The following BRF1 variants were observed in gnomAD, a reference collection of about 807,000 sequenced individuals.
BRF1 encodes transcription factor IIIB 90 kDa subunit.
BRF1 carries 59 observed loss-of-function variants against 81.7 expected under a neutral mutation model. The observed-to-expected ratio is 0.72, with a 90% CI of 0.59 to 0.90. The LOEUF (loss-of-function observed/expected upper bound fraction) is 0.90. BRF1 is among the 40% of genes least tolerant of loss of function. The pLI is 0.00. For missense variants in BRF1, 1,050 were observed against 936.3 expected (o/e 1.12, Z -1.58); for synonymous variants, 491 against 395.6 (o/e 1.24, Z -2.86).
At chr14:105,260,466 G>A (rs2140341697) in intron 3 of BRF1, among the ~76,000 whole-genome samples, 1 of 152,078 alleles carries the variant, frequency 6.6e-6, no homozygotes, top group East Asian at 1.9e-4. Context: ...CTGCCTACCA[G>A]GTTCAAGCGA....
At chr14:105,287,121 C>A (rs1248911273) in intron 1 of BRF1, among the ~76,000 whole-genome samples, 1 of 152,248 alleles carries the variant, frequency 6.6e-6, no homozygotes, top group Non-Finnish European at 1.5e-5. Context: ...GCTGGACACT[C>A]TACTCCGAAG....
In BRF1 at chr14:105,209,840, G is replaced by A; in HGVS notation, c.*711C>T. 2.0e-6 allele frequency: 1 copy of A among 498,254 alleles called. No individual in the cohort carries two copies. The highest frequency in any genetic ancestry group is 3.5e-6 in the Non-Finnish European group (1 of 284,330). The allele number at this position is 498,254 out of a possible 1,614,324, so 30.9% of individuals were successfully genotyped here. ...CTGCCGGCAGCCGCAGGGCTCCTGGGCCCACAACTCAAGTGGCCCTGGAGC... is the reference window on the plus strand; with the variant it reads ...CTGCCGGCAGCCGCAGGGCTCCTGGACCCACAACTCAAGTGGCCCTGGAGC... On this transcript the variant is annotated 3_prime_UTR_variant, in exon 18 of 18. Coordinates refer to ENST00000547530, the MANE Select transcript of BRF1 (RefSeq NM_001519.4).
rs1332574062 is a variant in BRF1, at chr14:105,272,570, C to T, written c.439+151G>A. 3 of 1,062,928 alleles carry T rather than the reference C, an allele frequency of 2.8e-6. No homozygotes were observed. In the East Asian group the frequency reaches 8.1e-5, roughly 29 times the overall value. The allele number at this position is 1,062,928 out of a possible 1,614,324, so 65.8% of individuals were successfully genotyped here. ...AAAAGGAGACCCCAAATTCAGAAAG[C>T]CCTGGATCAACTGAAACAGTTCTTC... On this transcript the variant is annotated intron_variant, in intron 3 of 17. Transcript: ENST00000547530.
At chr14:105,229,357 G>C (rs1354290871) in intron 6 of BRF1, among the ~76,000 whole-genome samples, 1 of 152,204 alleles carries the variant, frequency 6.6e-6, no homozygotes, top group African/African-American at 2.4e-5. Flanking sequence ...CAAACATGGA[G>C]ATCATGTGTG....
chr14:105,246,295 G>C (rs895820924), intron 5 of BRF1, among the ~76,000 whole-genome samples: 3 of 152,110 alleles, frequency 2.0e-5, no homozygotes, highest in African/African-American at 7.2e-5. Flanking sequence ...CACATGAGTA[G>C]ATGGTCAACA....
intron 3 of BRF1, among the ~76,000 whole-genome samples, chr14:105,262,772 C>A (rs1176320421): frequency 6.6e-6 from 1 of 152,156 alleles, no homozygotes; most frequent in Non-Finnish European, 1.5e-5. Context: ...ATGGATGGCC[C>A]CAGGAGGAGC....
rs2141335046 is a variant in BRF1, at chr14:105,210,615, C to G, written c.1997-27G>C. ...TGCAGAAGAGCACAGTCATGAAGCC[C>G]AGGGTCTCTGTGGGACCCAGGAGCC... is the stretch of plus-strand genomic sequence containing the variant. On this transcript the variant is annotated intron_variant, in intron 17 of 17. Transcript: ENST00000547530. The surrounding 1 kb of genome is among the most constrained non-coding windows in gnomAD (Gnocchi z 4.7). The G allele has an allele frequency of 6.2e-7, 1 of 1,610,096 alleles. No homozygotes were observed. The highest frequency in any genetic ancestry group is 2.2e-5 in the East Asian group (1 of 44,866).
chr14:105,220,418 G>A (rs1892095388), intron 11 of BRF1, among the ~76,000 whole-genome samples: 1 of 152,214 alleles, frequency 6.6e-6, no homozygotes, highest in African/African-American at 2.4e-5. Flanking sequence ...AAGAACAGGA[G>A]ACAGAGGCTG....
intron 10 of BRF1, among the ~76,000 whole-genome samples, chr14:105,223,646 G>C (rs1042449917): frequency 2.0e-5 from 3 of 152,236 alleles, no homozygotes; most frequent in South Asian, 2.1e-4. Context: ...GGGCAGGAGG[G>C]GGGGTGGTGA....
intron 1 of BRF1, among the ~76,000 whole-genome samples, chr14:105,295,750 C>T (rs962371567): frequency 5.3e-5 from 8 of 151,554 alleles, no homozygotes; most frequent in Admixed American, 6.6e-5. Flanking sequence ...CACCACTGCA[C>T]TCCAGTCTGG....
intron 3 of BRF1, among the ~76,000 whole-genome samples, chr14:105,257,622 G>T (rs587740209): frequency 2.0e-5 from 3 of 152,208 alleles, no homozygotes; most frequent in Non-Finnish European, 4.4e-5. Context: ...CCGAGACAAC[G>T]GGCAGGACCG....
chr14:105,249,548 A>G (rs751652166), intron 5 of BRF1: 1 of 1,591,930 alleles, frequency 6.3e-7, no homozygotes. Flanking sequence ...TCTGAAGGGA[A>G]GCACACAGGA....
chr14:105,277,525 T>C (rs1308339543), intron 2 of BRF1, among the ~76,000 whole-genome samples: 1 of 129,410 alleles, frequency 7.7e-6, no homozygotes, highest in Non-Finnish European at 1.7e-5. Context: ...CGGCCCTCAC[T>C]AGAGAGCTGG....
intron 5 of BRF1, chr14:105,251,132 G>T: frequency 5.7e-6 from 1 of 174,670 alleles, no homozygotes; most frequent in South Asian, 1.4e-4. Flanking sequence ...TTGTACAGTG[G>T]GGTATTCTCT....
At chr14:105,213,095 C>T (rs1264524664) in intron 15 of BRF1, 1 of 152,386 alleles carries the variant, frequency 6.6e-6, no homozygotes, top group Non-Finnish European at 1.5e-5. Flanking sequence ...CAGCCTGCTT[C>T]CTGGAGCCTG....
intron 2 of BRF1, 136 bp downstream of exon 2, chr14:105,286,160 T>C: frequency 1.0e-6 from 1 of 1,003,456 alleles, no homozygotes; most frequent in South Asian, 1.4e-5. Flanking sequence ...GAAAGCAGCC[T>C]GGGCTGGGCG....
upstream of BRF1, among the ~76,000 whole-genome samples, chr14:105,304,387 C>CCTCT (rs1207648436): frequency 6.6e-6 from 1 of 152,096 alleles, no homozygotes; most frequent in Non-Finnish European, 1.5e-5. Flanking sequence ...ACTCGGGAGG[C>CCTCT]TGAGGCAGGA....
chr14:105,250,182 T>TG (rs1417386062), intron 5 of BRF1: 1 of 1,612,978 alleles, frequency 6.2e-7, no homozygotes, highest in South Asian at 1.1e-5. Flanking sequence ...AAGCCCCGCC[T>TG]GGACTTTCCC....
upstream of BRF1, among the ~76,000 whole-genome samples, chr14:105,304,540 T>C (rs893612081): frequency 2.0e-5 from 3 of 152,210 alleles, no homozygotes; most frequent in African/African-American, 7.2e-5. Flanking sequence ...GAGGCTCTAC[T>C]GGGCAATGGC....
Sources: gnomAD v4.1 joint callset for allele counts (sites outside exome capture counted in the v4.1 genomes callset) on GRCh38, gnomAD v4.1.1 for gene constraint, Gnocchi (gnomAD v3.1) non-coding constraint, MANE v1.5 for transcripts, NCBI Gene and HGNC (gene_info 2026-07-23, HGNC 2026-07-21) for gene names.